The following IMP4 variants were observed in gnomAD, a reference collection of about 807,000 sequenced individuals.
IMP4 encodes U3 small nucleolar ribonucleoprotein IMP4.
Under a neutral mutation model 42.7 loss-of-function variants are expected in IMP4, and 30 were observed. That is an observed-to-expected ratio of 0.70 (90% CI 0.53 to 0.95). The LOEUF (loss-of-function observed/expected upper bound fraction) is 0.95, where lower values mean the gene tolerates loss of function less well. Ranked by LOEUF, IMP4 falls within the 40% of genes least tolerant of loss-of-function variation. The pLI is 0.00. For missense variants in IMP4, 382 were observed against 411.4 expected, an observed-to-expected ratio of 0.93 and a Z score of 0.62; for synonymous variants, 165 against 165.2, an observed-to-expected ratio of 1.00 and a Z score of 0.01.
At position 130,345,497 on chromosome 2, in the gene IMP4, C is replaced by G. The variant is rs1679464222; in HGVS notation, c.306+12C>G. On this transcript the variant is annotated intron_variant, in intron 4 of 8. Transcript: ENST00000259239. The surrounding 1 kb of genome is among the most constrained non-coding windows in gnomAD (Gnocchi z 4.9). ...AGATGTTTGCAAAGGTACTGGTGAGCAGGGAGTGAGGGAGAGACACCCAGG... is the reference window on the plus strand; with the variant it reads ...AGATGTTTGCAAAGGTACTGGTGAGGAGGGAGTGAGGGAGAGACACCCAGG... 6.2e-7 allele frequency: 1 copy of G among 1,613,802 alleles called. No homozygotes were observed.
At chr2:130,343,239 G>C in intron 2 of IMP4, 45 bp downstream of exon 2, 1 of 1,295,094 alleles carries the variant, frequency 7.7e-7, no homozygotes, top group Non-Finnish European at 1.1e-6. Context: ...AACCACCCCG[G>C]CACGCATTTG....
In IMP4 at chr2:130,343,166, G is replaced by C. The variant is rs774683967; in HGVS notation, c.84G>C (p.Arg28Ser). 99 of 1,549,914 alleles carry C rather than the reference G, an allele frequency of 6.4e-5. No homozygotes were observed. Among genetic ancestry groups the C allele is most frequent in the Non-Finnish European group, 8.0e-5 (92 of 1,146,002 alleles). Residue 28 changes from arginine to serine, a missense_variant, in exon 2 of 9, where the codon AGG becomes AGC. Arg to Ser is a moderately radical substitution (Grantham distance 110). Transcript: ENST00000259239. ...REEAQRSAQE[R>S]KERLRRALEE... ...AGGCGCAGCGCTCAGCCCAGGAGAGGAAGGAGCGGCTGCGGCGCGCGCTGG... is the reference window on the plus strand; with the variant it reads ...AGGCGCAGCGCTCAGCCCAGGAGAGCAAGGAGCGGCTGCGGCGCGCGCTGG...
At chr2:130,344,736 C>T (rs1679387332) in intron 3 of IMP4, 24 bp downstream of exon 3, 3 of 1,526,550 alleles carry the variant, frequency 2.0e-6, no homozygotes, top group Non-Finnish European at 2.7e-6. Context: ...GTAGCCCTCC[C>T]CAACACTGAG....
rs573350566 is a variant in IMP4 at position 130,343,590 on chromosome 2, T to C, written c.112+396T>C. Among the ~76,000 whole-genome samples the C allele has an allele frequency of 8.6e-5, 13 of 151,998 alleles. No homozygotes were observed. The South Asian group carries it at 2.7e-3, about 32-fold the overall frequency. On this transcript the variant is annotated intron_variant, in intron 2 of 8. Coordinates refer to ENST00000259239, the MANE Select transcript of IMP4 (RefSeq NM_033416.3). ...CTCGTCTCTACTAAACATACAAAAA[T>C]TAGCCGGCCGTGGTGGCACGCGCCT...
chr2:130,343,775 A>G (rs1479083418), intron 2 of IMP4, among the ~76,000 whole-genome samples: 1 of 151,606 alleles, frequency 6.6e-6, no homozygotes, highest in Non-Finnish European at 1.5e-5. Flanking sequence ...TCTAAAGACT[A>G]TCTGGATAGC....
chr2:130,343,475 G>T (rs1257209393), intron 2 of IMP4: 6 of 577,824 alleles, frequency 1.0e-5, no homozygotes, highest in Non-Finnish European at 2.0e-5. Context: ...CTTTAGAGCG[G>T]TGGCTCACTG....
In IMP4 at chr2:130,344,407, C is replaced by T. The variant is rs536462655; in HGVS notation, c.113-222C>T. Among the ~76,000 whole-genome samples, 55 of 152,308 alleles carry T rather than the reference C, an allele frequency of 3.6e-4. 1 individual carries two copies. In the South Asian group the frequency reaches 0.011, roughly 30 times the overall value. On this transcript the variant is annotated intron_variant, in intron 2 of 8. Coordinates refer to ENST00000259239, the MANE Select transcript of IMP4 (RefSeq NM_033416.3). ...AGTACATTAAGATATTTTAGAAAGT[C>T]CTCAAGTCATGAGACTAAAGAAAAT...
rs1679121447 is a variant in IMP4, at chr2:130,342,912, C to G, written c.-21C>G. The G allele has an allele frequency of 6.2e-7, 1 of 1,613,932 alleles. No homozygotes were observed. Among genetic ancestry groups the G allele is most frequent in the Non-Finnish European group, 8.5e-7 (1 of 1,179,918 alleles). On this transcript the variant is annotated 5_prime_UTR_variant, in exon 1 of 9. Transcript: ENST00000259239. Reference sequence around the variant, plus strand: ...AGGAGCCCACAGATTCTCCCGGACCCACGTGGAAGCGGCACTCAAGATGGT... The same window carrying G: ...AGGAGCCCACAGATTCTCCCGGACCGACGTGGAAGCGGCACTCAAGATGGT...
rs753824127 is a variant in IMP4, at chr2:130,345,622, T to C, written c.362T>C (p.Val121Ala). 1 of 1,613,946 alleles carries C rather than the reference T, an allele frequency of 6.2e-7. No individual in the cohort carries two copies. The highest frequency in any genetic ancestry group is 8.5e-7 in the Non-Finnish European group (1 of 1,179,984). ...CGAATGAACCGAGGTCGACATGAAG[T>C]GGGGGCACTGGTGCGAGCCTGCAAA... ...AQRMNRGRHE[V>A]GALVRACKAN... Residue 121 changes from valine to alanine, a missense_variant, in exon 5 of 9, where the codon GTG becomes GCG. Val to Ala is a moderately conservative substitution (Grantham distance 64). Coordinates refer to ENST00000259239, the MANE Select transcript of IMP4 (RefSeq NM_033416.3). The surrounding 1 kb of genome is among the most constrained non-coding windows in gnomAD (Gnocchi z 4.9).
rs749709804 is a variant in IMP4, at chr2:130,345,390, G to A, written c.211G>A (p.Val71Met). 1.7e-5 allele frequency: 27 copies of A among 1,613,920 alleles called. No homozygotes were observed. The East Asian group carries it at 3.1e-4, about 19-fold the overall frequency. The part of the protein sequence containing the change: ...DAGGEGVTSH[V>M]DDEYRWAGVE... ...GCTCCTGACAGGTGTGACCAGCCAC[G>A]TGGATGATGAATACCGATGGGCAGG... is the stretch of plus-strand genomic sequence containing the variant. The change falls in exon 4 of 9, where the codon GTG (valine) becomes ATG (methionine). Residue 71 changes from valine (V) to methionine (M), a missense_variant. By Grantham distance (21) the Val-to-Met change is conservative. Transcript: ENST00000259239. The surrounding 1 kb of genome is among the most constrained non-coding windows in gnomAD (Gnocchi z 4.9).
chr2:130,342,911 C>A lies in IMP4; in HGVS notation c.-22C>A. On this transcript the variant is annotated 5_prime_UTR_variant, in exon 1 of 9. Coordinates refer to ENST00000259239, the MANE Select transcript of IMP4 (RefSeq NM_033416.3). ...GAGGAGCCCACAGATTCTCCCGGAC[C>A]CACGTGGAAGCGGCACTCAAGATGG... 1 of 1,614,020 alleles carries A rather than the reference C, an allele frequency of 6.2e-7. No individual in the cohort carries two copies. The highest frequency in any genetic ancestry group is 1.1e-5 in the South Asian group (1 of 91,066).
At chr2:130,344,752 A>G (rs774983829) in intron 3 of IMP4, 40 bp downstream of exon 3, 1 of 1,383,616 alleles carries the variant, frequency 7.2e-7, no homozygotes. Flanking sequence ...CTGAGCTGGC[A>G]GGTCTCCAGT....
chr2:130,343,449 G>A (rs1679216580), intron 2 of IMP4: 1 of 670,036 alleles, frequency 1.5e-6, no homozygotes, highest in South Asian at 1.5e-5. Flanking sequence ...ACTTTATCTT[G>A]TCCTGTAGAA....
Position 130,345,360 on chromosome 2 carries a change from C to G in IMP4, c.197-16C>G. The stretch of plus-strand genomic sequence containing the variant: ...TCCCAAGACTGTCATGTTCTTGCCC[C>G]TCGTGCTCCTGACAGGTGTGACCAG... On this transcript the variant is annotated splice_polypyrimidine_tract_variant and intron_variant, in intron 3 of 8. Coordinates refer to ENST00000259239, the MANE Select transcript of IMP4 (RefSeq NM_033416.3). The surrounding 1 kb of genome is among the most constrained non-coding windows in gnomAD (Gnocchi z 4.9). 1 of 1,598,950 alleles carries G rather than the reference C, an allele frequency of 6.3e-7. No individual in the cohort carries two copies. The highest frequency in any genetic ancestry group is 1.1e-5 in the South Asian group (1 of 90,390).
Position 130,345,156 on chromosome 2 carries a change from C to T in IMP4, c.197-220C>T. ...GCTTAGCCCCATGTGACTAATATAG[C>T]TTAAGCAAACTACAATTAAACAAAA... On this transcript the variant is annotated intron_variant, in intron 3 of 8. Coordinates refer to ENST00000259239, the MANE Select transcript of IMP4 (RefSeq NM_033416.3). The surrounding 1 kb of genome is among the most constrained non-coding windows in gnomAD (Gnocchi z 4.9). 2 of 595,850 alleles carry T rather than the reference C, an allele frequency of 3.4e-6. No individual in the cohort carries two copies. The highest frequency in any genetic ancestry group is 1.9e-5 in the African/African-American group (1 of 53,918). 36.9% of individuals were successfully genotyped at this position (595,850 alleles called of 1,614,324 possible).
Position 130,343,105 on chromosome 2 carries a change from T to C in IMP4, c.23T>C (p.Leu8Pro). The change falls in exon 2 of 9, where the codon CTG becomes CCG. Residue 8 changes from leucine (L) to proline (P), a missense_variant. Transcript: ENST00000259239. MLRREAR[L>P]RREYLYRKAR... is the part of the protein sequence containing the mutation. ...CCACAGCTGCGCCGCGAGGCCCGCC[T>C]GCGCCGCGAGTACCTGTACCGCAAG... The C allele has an allele frequency of 6.4e-7, 1 of 1,558,442 alleles. No homozygotes were observed.
chr2:130,346,296 G>C, intron 8 of IMP4, 22 bp downstream of exon 8: 3 of 1,613,000 alleles, frequency 1.9e-6, no homozygotes, highest in Non-Finnish European at 2.5e-6. Flanking sequence ...GCTGAATCCC[G>C]TGTCTGGGGT....
In IMP4 at chr2:130,347,637, T is replaced by C. The variant is rs1238711436; in HGVS notation, c.*1169T>C. The C allele has an allele frequency of 6.6e-6, 1 of 152,270 alleles. No homozygotes were observed. Among genetic ancestry groups the C allele is most frequent in the Non-Finnish European group, 1.5e-5 (1 of 68,094 alleles). The allele number at this position is 152,270 out of a possible 1,614,324, so 9.4% of individuals were successfully genotyped here. On this transcript the variant is annotated 3_prime_UTR_variant, in exon 9 of 9. Transcript: ENST00000259239. ...CTCTTGCATAGAATTAGTGCTCTTATAAAAGATGCCCGAGGGAGCTCTTTT... is the reference window on the plus strand; with the variant it reads ...CTCTTGCATAGAATTAGTGCTCTTACAAAAGATGCCCGAGGGAGCTCTTTT...
chr2:130,345,906 C>T lies in IMP4; in HGVS notation c.567C>T (p.His189=), dbSNP rs34942992. 0.012 allele frequency: 19,949 copies of T among 1,614,142 alleles called. 1,839 individuals carry two copies. The African/African-American group carries it at 0.21, about 17-fold the overall frequency. ...AGGCCAAGCCCCACCTCATCACACA[C>T]GGCTTCTCCTCCCGCCTGGGCAAGC... ...MSEAKPHLIT[H]GFSSRLGKRV... is the part of the protein sequence containing the mutation. The change falls in exon 6 of 9, where the codon CAC becomes CAT. Residue 189 remains histidine (H), a synonymous_variant. Coordinates refer to ENST00000259239, the MANE Select transcript of IMP4 (RefSeq NM_033416.3). This position sits in a 1 kb window ranked among gnomAD's most constrained non-coding sequence, Gnocchi z 4.9.
Sources: gnomAD v4.1 joint callset for allele counts (sites outside exome capture counted in the v4.1 genomes callset) on GRCh38, gnomAD v4.1.1 for gene constraint, Gnocchi (gnomAD v3.1) non-coding constraint, MANE v1.5 for transcripts, NCBI Gene and HGNC (gene_info 2026-07-23, HGNC 2026-07-21) for gene names.